CTNNA3: variants seen among roughly 807,000 people sequenced by gnomAD.
The protein encoded by CTNNA3 is catenin alpha 3, also known as catenin alpha-3.
In CTNNA3, 76 loss-of-function variants were observed where a neutral mutation model predicts 95.7. The observed-to-expected ratio is 0.79, with a 90% confidence interval of 0.66 to 0.96. The LOEUF (loss-of-function observed/expected upper bound fraction) is 0.96. CTNNA3 is among the 40% of genes least tolerant of loss of function. CTNNA3 has a pLI of 0.00. For synonymous variants in CTNNA3, 431 were observed against 374.4 expected, an observed-to-expected ratio of 1.15 and a Z score of -1.74; for missense variants, 1,191 against 1,089.8, an observed-to-expected ratio of 1.09 and a Z score of -1.31.
At chr10:66,353,587 T>A (rs906950413) in intron 12 of CTNNA3, among the ~76,000 whole-genome samples, 2 of 152,064 alleles carry the variant, frequency 1.3e-5, no homozygotes, top group Non-Finnish European at 2.9e-5. Context: ...GAAAAGAACA[T>A]GGAAGTAAAC....
chr10:66,441,442 T>G (rs1238556669), intron 11 of CTNNA3, among the ~76,000 whole-genome samples: 2 of 152,166 alleles, frequency 1.3e-5, no homozygotes, highest in Non-Finnish European at 1.5e-5. Context: ...CAAGGTAAAA[T>G]TAATAAAATT....
intron 3 of CTNNA3, among the ~76,000 whole-genome samples, chr10:67,562,951 C>A (rs910821076): frequency 6.6e-6 from 1 of 152,002 alleles, no homozygotes; most frequent in African/African-American, 2.4e-5. Flanking sequence ...AGGATCTCTT[C>A]AAGGAGAACT....
intron 11 of CTNNA3, among the ~76,000 whole-genome samples, chr10:66,411,329 T>C (rs2093103780): frequency 6.6e-6 from 1 of 152,152 alleles, no homozygotes; most frequent in African/African-American, 2.4e-5. Context: ...AATGGAGCTA[T>C]TCAGTATACT....
chr10:66,511,900 T>C (rs563480193), intron 11 of CTNNA3, among the ~76,000 whole-genome samples: 1 of 152,122 alleles, frequency 6.6e-6, no homozygotes, highest in South Asian at 2.1e-4. Context: ...GAAGCTTAAG[T>C]ACAATGTTTC....
At position 66,205,184 on chromosome 10, in the gene CTNNA3, T is replaced by G. The variant is rs116662631; in HGVS notation, c.1884+75286A>C. Reference sequence around the variant, plus strand: ...AATATCTATTTCTTATTCCTTTATGTTTAATTTCTATAGTACAGTAAGTCC... The same window carrying G: ...AATATCTATTTCTTATTCCTTTATGGTTAATTTCTATAGTACAGTAAGTCC... On this transcript the variant is annotated intron_variant, in intron 13 of 17. Coordinates refer to ENST00000433211, the MANE Select transcript of CTNNA3 (RefSeq NM_013266.4). 3.6e-3 allele frequency among the ~76,000 whole-genome samples: 553 copies of G among 152,198 alleles called. 5 individuals are homozygous for G. The highest frequency in any genetic ancestry group is 0.013 in the African/African-American group (534 of 41,540).
intron 10 of CTNNA3, among the ~76,000 whole-genome samples, chr10:66,574,932 A>G (rs1470959569): frequency 1.3e-5 from 2 of 152,146 alleles, no homozygotes; most frequent in African/African-American, 4.8e-5. Context: ...CCAAGAAGCC[A>G]CTTAACTATG....
intron 10 of CTNNA3, among the ~76,000 whole-genome samples, chr10:66,618,453 A>C (rs2132307292): frequency 6.6e-6 from 1 of 152,266 alleles, no homozygotes; most frequent in East Asian, 1.9e-4. Context: ...AAAAACAAGA[A>C]ATGGGGAAAG....
intron 5 of CTNNA3, among the ~76,000 whole-genome samples, chr10:67,362,022 G>A (rs559937040): frequency 1.3e-5 from 2 of 152,166 alleles, no homozygotes; most frequent in Admixed American, 6.5e-5. Flanking sequence ...AAATCTAGAG[G>A]AAATGAATAC....
At chr10:66,697,080 C>T (rs1847793345) in intron 9 of CTNNA3, among the ~76,000 whole-genome samples, 1 of 151,978 alleles carries the variant, frequency 6.6e-6, no homozygotes, top group South Asian at 2.1e-4. Flanking sequence ...ACTGCCCATC[C>T]ACAAAATATA....
chr10:65,940,929 T>C (rs2077420050), intron 17 of CTNNA3, among the ~76,000 whole-genome samples: 1 of 152,196 alleles, frequency 6.6e-6, no homozygotes, highest in Admixed American at 6.5e-5. Flanking sequence ...ATAATTAGTA[T>C]TTACTGATTC....
At chr10:67,471,685 T>C (rs1589326390) in intron 5 of CTNNA3, among the ~76,000 whole-genome samples, 1 of 152,202 alleles carries the variant, frequency 6.6e-6, no homozygotes, top group East Asian at 1.9e-4. Context: ...AAGTGAAAGT[T>C]AAATCGGGAG....
chr10:66,986,950 G>C (rs770937492), intron 7 of CTNNA3, among the ~76,000 whole-genome samples: 4 of 152,072 alleles, frequency 2.6e-5, no homozygotes, highest in Non-Finnish European at 5.9e-5. Context: ...AAGGAGTCAA[G>C]GTCACATCGT....
chr10:66,392,864 C>G (rs2092944553), intron 11 of CTNNA3, among the ~76,000 whole-genome samples: 1 of 152,054 alleles, frequency 6.6e-6, no homozygotes, highest in Admixed American at 6.5e-5. Context: ...AGTAAACATA[C>G]TTCTACTATA....
intron 11 of CTNNA3, among the ~76,000 whole-genome samples, chr10:66,438,458 C>T (rs934237371): frequency 6.6e-6 from 1 of 152,086 alleles, no homozygotes; most frequent in African/African-American, 2.4e-5. Context: ...TTTGGTGGGC[C>T]CCACCCAGTT....
chr10:67,309,511 A>C (rs1840695676), intron 5 of CTNNA3, among the ~76,000 whole-genome samples: 1 of 152,182 alleles, frequency 6.6e-6, no homozygotes, highest in African/African-American at 2.4e-5. Context: ...AGAGGCACAA[A>C]GAGAGAAATG....
chr10:66,491,561 AG>A (rs1287272944), intron 11 of CTNNA3, among the ~76,000 whole-genome samples: 1 of 152,192 alleles, frequency 6.6e-6, no homozygotes, highest in African/African-American at 2.4e-5. Context: ...ATGAGAAATT[AG>A]TACTAATTTC....
At chr10:66,427,396 G>C (rs1312281773) in intron 11 of CTNNA3, among the ~76,000 whole-genome samples, 3 of 151,766 alleles carry the variant, frequency 2.0e-5, no homozygotes, top group African/African-American at 4.8e-5. Flanking sequence ...TTTTGTACTA[G>C]CCTTCCCCTA....
At chr10:67,429,112 C>T (rs78287030) in intron 5 of CTNNA3, among the ~76,000 whole-genome samples, 2,641 of 152,012 alleles carry the variant, frequency 0.017, 78 homozygotes, top group African/African-American at 0.061. Context: ...ATATGGCAAT[C>T]ACACATTAAC....
At chr10:66,750,695 G>A (rs1416444587) in intron 9 of CTNNA3, among the ~76,000 whole-genome samples, 1 of 152,112 alleles carries the variant, frequency 6.6e-6, no homozygotes, top group Non-Finnish European at 1.5e-5. Context: ...TGGCTATTCT[G>A]TGTCTTTTAC....
Sources: gnomAD v4.1 joint callset for allele counts (sites outside exome capture counted in the v4.1 genomes callset) on GRCh38, gnomAD v4.1.1 for gene constraint, MANE v1.5 for transcripts, NCBI Gene and HGNC (gene_info 2026-07-23, HGNC 2026-07-21) for gene names.